PCDH15: variants seen among roughly 807,000 people sequenced by gnomAD.
PCDH15 encodes protocadherin related 15.
A neutral mutation model predicts 178.5 loss-of-function variants in PCDH15; 129 were observed. The observed-to-expected ratio is 0.72, with a 90% CI of 0.63 to 0.84. The LOEUF is 0.84. PCDH15 is among the 40% of genes least tolerant of loss of function. The probability of loss-of-function intolerance (pLI) is 0.00; values close to 1 mark genes in which losing one functional copy is unlikely to be tolerated. For missense variants in PCDH15, 2,230 were observed against 2,099.9 expected (o/e 1.06, Z -1.21); for synonymous variants, 800 against 732.0 (o/e 1.09, Z -1.50).
At chr10:54,983,316 T>C (rs1001938800) in intron 2 of PCDH15, among the ~76,000 whole-genome samples, 1 of 152,084 alleles carries the variant, frequency 6.6e-6, no homozygotes, top group Non-Finnish European at 1.5e-5. Flanking sequence ...TTCTGAACAA[T>C]ATGATGGTTC....
chr10:54,568,887 T>A (rs2089409888), intron 2 of PCDH15, among the ~76,000 whole-genome samples: 1 of 152,108 alleles, frequency 6.6e-6, no homozygotes, highest in Non-Finnish European at 1.5e-5. Flanking sequence ...AAGATCTTAG[T>A]AAACCTCACA....
chr10:54,832,657 C>A (rs1237896328), intron 3 of PCDH15, among the ~76,000 whole-genome samples: 2 of 152,124 alleles, frequency 1.3e-5, no homozygotes, highest in Non-Finnish European at 2.9e-5. Context: ...TGACTTTGGT[C>A]ACCAGGGCAA....
chr10:54,566,798 T>C (rs1472914578), intron 2 of PCDH15, among the ~76,000 whole-genome samples: 1 of 152,182 alleles, frequency 6.6e-6, no homozygotes, highest in Non-Finnish European at 1.5e-5. Context: ...ATAAAGATGC[T>C]GTAAACATCT....
rs1485755354 is a variant in PCDH15, at chr10:54,153,248, A to G, written c.1636T>C (p.Tyr546His). 1.9e-6 allele frequency: 3 copies of G among 1,613,838 alleles called. No homozygotes were observed. Among genetic ancestry groups the G allele is most frequent in the Non-Finnish European group, 2.5e-6 (3 of 1,179,850 alleles). Residue 546 changes from tyrosine to histidine, a missense_variant, in exon 14 of 38, where the codon TAT becomes CAT. Physicochemically the swap from Tyr to His is moderately conservative, Grantham distance 83. Transcript: ENST00000644397. ...CCCTGAGCCCCAACAAGGATTTCAT[A>G]TGTGATCTCCCCATTTGACCCTTCG... is the stretch of plus-strand genomic sequence containing the variant. ...ADEGSNGEITYEILVGAQGDF... is the reference protein window; with the variant it reads ...ADEGSNGEITHEILVGAQGDF...
chr10:55,413,403 A>G (rs2132037201), intron 2 of PCDH15, among the ~76,000 whole-genome samples: 1 of 151,846 alleles, frequency 6.6e-6, no homozygotes, highest in Non-Finnish European at 1.5e-5. Flanking sequence ...AAAGGACTAT[A>G]TAAGTGAATT....
rs1010009954 is a variant in PCDH15, at chr10:53,803,668, T to C, written c.*2911A>G. The C allele has an allele frequency of 2.6e-5, 4 of 151,942 alleles. No individual in the cohort carries two copies. The highest frequency in any genetic ancestry group is 9.7e-5 in the African/African-American group (4 of 41,426). The allele number at this position is 151,942 out of a possible 1,614,324, so 9.4% of individuals were successfully genotyped here. On this transcript the variant is annotated 3_prime_UTR_variant, in exon 38 of 38. Transcript: ENST00000644397. ...ATTGAGAGAGGGAGATTAACACCTG[T>C]GATTCGATGGTCATTAAGTCACAAA...
At chr10:55,516,031 T>A (rs1345436396) in intron 2 of PCDH15, among the ~76,000 whole-genome samples, 1 of 152,162 alleles carries the variant, frequency 6.6e-6, no homozygotes, top group East Asian at 1.9e-4. Context: ...GAGAAAATTA[T>A]CTCTGCTTTC....
intron 13 of PCDH15, among the ~76,000 whole-genome samples, chr10:54,174,139 C>T (rs576650312): frequency 6.6e-6 from 1 of 151,992 alleles, no homozygotes; most frequent in Non-Finnish European, 1.5e-5. Context: ...TGTAATATAG[C>T]CCACTGGCTA....
intron 2 of PCDH15, among the ~76,000 whole-genome samples, chr10:54,963,335 G>GA (rs1838704285): frequency 6.7e-6 from 1 of 148,470 alleles, no homozygotes; most frequent in Admixed American, 6.7e-5. Context: ...CATAAAATGT[G>GA]TTTTTTTTTT....
In PCDH15 at chr10:54,794,208, T is replaced by C. The variant is rs187879990; in HGVS notation, c.-29+6717A>G. Among the ~76,000 whole-genome samples the C allele has an allele frequency of 6.2e-4, 93 of 150,488 alleles. No individual in the cohort carries two copies. In the Middle Eastern group the frequency reaches 0.021, roughly 33 times the overall value. On this transcript the variant is annotated intron_variant, in intron 1 of 37. Coordinates refer to ENST00000644397, the MANE Select transcript of PCDH15 (RefSeq NM_001384140.1). ...ACTATTTACTAAACATGCATTTTATTACATAAACACACAGCAATGCTCTTT... is the reference window on the plus strand; with the variant it reads ...ACTATTTACTAAACATGCATTTTATCACATAAACACACAGCAATGCTCTTT...
At chr10:55,335,019 G>T (rs1844343241) in intron 2 of PCDH15, among the ~76,000 whole-genome samples, 1 of 151,998 alleles carries the variant, frequency 6.6e-6, no homozygotes, top group South Asian at 2.1e-4. Flanking sequence ...TTATATTTAG[G>T]TAGTCAAAAC....
At chr10:55,492,346 T>C (rs1228798117) in intron 2 of PCDH15, among the ~76,000 whole-genome samples, 2 of 151,778 alleles carry the variant, frequency 1.3e-5, no homozygotes, top group East Asian at 3.9e-4. Context: ...TTGGGCACAA[T>C]ATTTGACCCA....
At chr10:53,928,771 C>T (rs2084793551) in intron 25 of PCDH15, among the ~76,000 whole-genome samples, 1 of 151,886 alleles carries the variant, frequency 6.6e-6, no homozygotes, top group Non-Finnish European at 1.5e-5. Flanking sequence ...GTAATTAATA[C>T]TCTCTGGAAA....
intron 1 of PCDH15, among the ~76,000 whole-genome samples, chr10:55,218,519 C>T (rs1347171275): frequency 6.6e-6 from 1 of 151,960 alleles, no homozygotes; most frequent in African/African-American, 2.4e-5. Context: ...TTCCCTGACT[C>T]AGCCTAGTAG....
intron 1 of PCDH15, among the ~76,000 whole-genome samples, chr10:54,748,160 A>G (rs1418619050): frequency 6.6e-6 from 1 of 152,166 alleles, no homozygotes; most frequent in Non-Finnish European, 1.5e-5. Flanking sequence ...CCCTTCACTC[A>G]AGACGATCTG....
intron 1 of PCDH15, among the ~76,000 whole-genome samples, chr10:54,675,055 G>T (rs543071245): frequency 1.3e-5 from 2 of 152,120 alleles, no homozygotes; most frequent in Non-Finnish European, 2.9e-5. Flanking sequence ...AAACTGAAAA[G>T]TAGTCGTTCT....
intron 9 of PCDH15, among the ~76,000 whole-genome samples, chr10:54,214,463 T>G (rs186209227): frequency 6.6e-6 from 1 of 152,330 alleles, no homozygotes; most frequent in East Asian, 1.9e-4. Context: ...AGTGAGATGC[T>G]TGGAAATTAA....
At chr10:54,723,646 T>A (rs1942022494) in intron 1 of PCDH15, among the ~76,000 whole-genome samples, 1 of 151,604 alleles carries the variant, frequency 6.6e-6, no homozygotes, top group Admixed American at 6.6e-5. Context: ...CAAATCATGC[T>A]TCTGACAGAA....
At chr10:55,343,431 G>A (rs1201766724) in intron 2 of PCDH15, among the ~76,000 whole-genome samples, 1 of 151,966 alleles carries the variant, frequency 6.6e-6, no homozygotes, top group African/African-American at 2.4e-5. Context: ...TCTATTCTCT[G>A]CCCTCTACCA....
Sources: allele counts gnomAD v4.1 joint callset (sites outside exome capture counted in the v4.1 genomes callset), GRCh38; gene constraint gnomAD v4.1.1; transcripts MANE v1.5; gene names NCBI Gene and HGNC (gene_info 2026-07-23, HGNC 2026-07-21).